Variants in PCP4L1 observed in about 807,000 individuals in gnomAD.
PCP4L1 encodes Purkinje cell protein 4 like 1.
A neutral mutation model predicts 9.6 loss-of-function variants in PCP4L1; 9 were observed. The ratio of observed to expected loss-of-function variants is 0.94; its 90% CI spans 0.57 to 1.64. The LOEUF (loss-of-function observed/expected upper bound fraction) is 1.64, where lower values mean the gene tolerates loss of function less well. PCP4L1 is among the 40% of genes most tolerant of loss of function. The pLI is 0.00. For synonymous variants in PCP4L1, 31 were observed against 28.2 expected, an observed-to-expected ratio of 1.10 and a Z score of -0.31; for missense variants, 81 against 80.8, an observed-to-expected ratio of 1.00 and a Z score of -0.01.
At chr1:161,271,799 A>C (rs1429761365) in intron 1 of PCP4L1, among the ~76,000 whole-genome samples, 2 of 139,048 alleles carry the variant, frequency 1.4e-5, no homozygotes, top group African/African-American at 5.5e-5. Flanking sequence ...ACTGTGCCTG[A>C]TCTTTTTTTC....
intron 1 of PCP4L1, among the ~76,000 whole-genome samples, chr1:161,259,382 A>G (rs1669381668): frequency 6.6e-6 from 1 of 151,996 alleles, no homozygotes; most frequent in Non-Finnish European, 1.5e-5. Context: ...AGGCACTCAC[A>G]TTCCTTCTGT....
intron 2 of PCP4L1, among the ~76,000 whole-genome samples, 199 bp downstream of exon 2, chr1:161,283,921 A>G (rs1308679741): frequency 6.6e-6 from 1 of 152,176 alleles, no homozygotes; most frequent in African/African-American, 2.4e-5. Context: ...AACGATCAGT[A>G]TTTCCTCCTT....
At chr1:161,273,283 C>T (rs1669650402) in intron 1 of PCP4L1, among the ~76,000 whole-genome samples, 1 of 152,170 alleles carries the variant, frequency 6.6e-6, no homozygotes, top group South Asian at 2.1e-4. Flanking sequence ...ATGGGCCTCA[C>T]AGTTGCTAAT....
chr1:161,272,678 T>C (rs1669643127), intron 1 of PCP4L1, among the ~76,000 whole-genome samples: 1 of 151,822 alleles, frequency 6.6e-6, no homozygotes, highest in African/African-American at 2.4e-5. Context: ...GAGGCTTTTA[T>C]TTATTTATTT....
At chr1:161,259,049 C>G (rs1669374343) in intron 1 of PCP4L1, 66 bp downstream of exon 1, 1 of 1,515,386 alleles carries the variant, frequency 6.6e-7, no homozygotes, top group African/African-American at 1.4e-5. Context: ...GGCTCGGGAT[C>G]CCAGGGAGGC....
intron 1 of PCP4L1, among the ~76,000 whole-genome samples, chr1:161,278,516 A>G (rs756336364): frequency 6.6e-6 from 1 of 151,060 alleles, no homozygotes; most frequent in South Asian, 2.1e-4. Context: ...TGATCCTCCC[A>G]TGTCAGCCTC....
In PCP4L1 at chr1:161,258,945, G is replaced by C. The variant is rs754789167; in HGVS notation, c.-30G>C. The C allele has an allele frequency of 2.0e-6, 3 of 1,534,654 alleles. No homozygotes were observed. Among genetic ancestry groups the C allele is most frequent in the African/African-American group, 2.7e-5 (2 of 72,906 alleles). On this transcript the variant is annotated 5_prime_UTR_variant, in exon 1 of 3. Transcript: ENST00000504449. The stretch of plus-strand genomic sequence containing the variant: ...GCCACTCGCCTCACCTGTGCGTGCA[G>C]CGCCTCGCGCGCCCTGTCCGGCTGC...
chr1:161,283,367 T>C (rs953776981), intron 1 of PCP4L1, among the ~76,000 whole-genome samples: 1 of 152,220 alleles, frequency 6.6e-6, no homozygotes, highest in Non-Finnish European at 1.5e-5. Context: ...ATAGCACTTA[T>C]CATCATAGTA....
chr1:161,265,493 A>T (rs1241736487), intron 1 of PCP4L1, among the ~76,000 whole-genome samples: 1 of 152,110 alleles, frequency 6.6e-6, no homozygotes, highest in Non-Finnish European at 1.5e-5. Context: ...ACTGCATTCC[A>T]GCTTAGGCAA....
At chr1:161,266,679 G>A (rs1343290013) in intron 1 of PCP4L1, among the ~76,000 whole-genome samples, 3 of 152,162 alleles carry the variant, frequency 2.0e-5, no homozygotes, top group Non-Finnish European at 2.9e-5. Context: ...TGAGATATAG[G>A]GCATTGGGGG....
Position 161,258,869 on chromosome 1 carries a change from C to T in PCP4L1, c.-106C>T, listed in dbSNP as rs1669365863. 1 of 1,480,436 alleles carries T rather than the reference C, an allele frequency of 6.8e-7. No homozygotes were observed. The highest frequency in any genetic ancestry group is 9.1e-7 in the Non-Finnish European group (1 of 1,096,754). 91.7% of individuals were successfully genotyped at this position (1,480,436 alleles called of 1,614,324 possible). A position where few individuals can be genotyped will look rare whatever the true frequency, so the allele number is the denominator to read the frequency against. On this transcript the variant is annotated 5_prime_UTR_variant, in exon 1 of 3. Transcript: ENST00000504449. ...CTCTCCTCTCCTGGTCAGCTGTAAC[C>T]CCTGCCGCAGAGCCCGGCAACTTTC...
At chr1:161,279,021 A>G (rs1462726604) in intron 1 of PCP4L1, among the ~76,000 whole-genome samples, 1 of 151,962 alleles carries the variant, frequency 6.6e-6, no homozygotes, top group Admixed American at 6.6e-5. Context: ...GGACTCAAGC[A>G]ATCCGCCCAC....
intron 1 of PCP4L1, among the ~76,000 whole-genome samples, chr1:161,282,915 G>A (rs953898602): frequency 3.3e-5 from 5 of 152,016 alleles, no homozygotes; most frequent in Non-Finnish European, 7.4e-5. Flanking sequence ...AGCTACCATC[G>A]TCTCTTGCTT....
At chr1:161,280,287 C>T (rs1669772116) in intron 1 of PCP4L1, among the ~76,000 whole-genome samples, 1 of 152,154 alleles carries the variant, frequency 6.6e-6, no homozygotes, top group Admixed American at 6.5e-5. Context: ...CCTCCAGTTC[C>T]TGTGGGTATC....
chr1:161,271,789 A>G (rs1303186569), intron 1 of PCP4L1, among the ~76,000 whole-genome samples: 2 of 150,902 alleles, frequency 1.3e-5, no homozygotes, highest in Admixed American at 1.3e-4. Flanking sequence ...AGTGTGAGCC[A>G]CTGTGCCTGA....
intron 1 of PCP4L1, among the ~76,000 whole-genome samples, chr1:161,280,195 TTTAC>T (rs1439277990): frequency 6.6e-6 from 1 of 152,178 alleles, no homozygotes; most frequent in East Asian, 1.9e-4. Flanking sequence ...TGTTACATAT[TTTAC>T]TTCAAAATAT....
intron 1 of PCP4L1, among the ~76,000 whole-genome samples, chr1:161,268,913 T>C (rs1468235356): frequency 6.6e-6 from 1 of 152,214 alleles, no homozygotes; most frequent in Non-Finnish European, 1.5e-5. Flanking sequence ...ACAGCAAAGC[T>C]AAGTAATTTA....
chr1:161,281,726 A>T, intron 1 of PCP4L1, among the ~76,000 whole-genome samples: 1 of 143,698 alleles, frequency 7.0e-6, no homozygotes. Context: ...GGCCGGGCAG[A>T]GACGCTCCTC....
chr1:161,282,417 A>AG (rs1269504081), intron 1 of PCP4L1, among the ~76,000 whole-genome samples: 1 of 34,466 alleles, frequency 2.9e-5, no homozygotes, highest in African/African-American at 1.0e-4. Flanking sequence ...AGGGAGAGGG[A>AG]GGGGGAGGGG....
Sources: allele counts gnomAD v4.1 joint callset (sites outside exome capture counted in the v4.1 genomes callset), GRCh38; gene constraint gnomAD v4.1.1; transcripts MANE v1.5; gene names NCBI Gene and HGNC (gene_info 2026-07-23, HGNC 2026-07-21).